C1orf52: variants seen among roughly 807,000 people sequenced by gnomAD.
The protein encoded by C1orf52 is chromosome 1 open reading frame 52.
A neutral mutation model predicts 17.2 loss-of-function variants in C1orf52; 5 were observed. That is an observed-to-expected ratio of 0.29 (90% CI 0.15 to 0.61). The LOEUF (loss-of-function observed/expected upper bound fraction) is 0.61, where lower values mean the gene tolerates loss of function less well. Ranked by LOEUF, C1orf52 falls within the 20% of genes least tolerant of loss-of-function variation. The pLI is 0.85. For synonymous variants in C1orf52, 110 were observed against 88.0 expected, an observed-to-expected ratio of 1.25 and a Z score of -1.40; for missense variants, 245 against 234.1, an observed-to-expected ratio of 1.05 and a Z score of -0.30.
intron 1 of C1orf52, 148 bp downstream of exon 1, chr1:85,259,210 C>T (rs1050693117): frequency 8.3e-7 from 1 of 1,200,418 alleles, no homozygotes; most frequent in Non-Finnish European, 1.1e-6. Flanking sequence ...GGCCAGGTTT[C>T]CCAGGGCTTG....
At chr1:85,255,705 CTAATCTAAAATCTGGG>C (rs995744200) in intron 2 of C1orf52, among the ~76,000 whole-genome samples, 1 of 152,036 alleles carries the variant, frequency 6.6e-6, no homozygotes, top group African/African-American at 2.4e-5. Context: ...AAGTCACTTG[CTAATCTAAAATCTGGG>C]TAAGAGTGTA....
Position 85,252,325 on chromosome 1 carries a change from T to C in C1orf52, c.*304A>G, listed in dbSNP as rs1659820112. 3.0e-6 allele frequency: 1 copy of C among 336,994 alleles called. No individual in the cohort carries two copies. The highest frequency in any genetic ancestry group is 2.2e-5 in the African/African-American group (1 of 46,108). The allele number at this position is 336,994 out of a possible 1,614,324, so 20.9% of individuals were successfully genotyped here. A position where few individuals can be genotyped will look rare whatever the true frequency, so the allele number is the denominator to read the frequency against. On this transcript the variant is annotated 3_prime_UTR_variant, in exon 3 of 3. Coordinates refer to ENST00000471115, the MANE Select transcript of C1orf52 (RefSeq NM_198077.4). ...AATATATTCCTTTATAAAAGGTTTA[T>C]AAGAACATTGGCATGTCAACATGTG...
rs539827917 is a variant in C1orf52 at position 85,252,940 on chromosome 1, GGTGC to G, written c.476-242_476-239del. Among the ~76,000 whole-genome samples, 7 of 152,054 alleles carry G rather than the reference GGTGC, an allele frequency of 4.6e-5. No homozygotes were observed. In the South Asian group the frequency reaches 1.5e-3, roughly 32 times the overall value. ...ACAAAATTCACAAAGTAACTCTTTAGGTGCTATACTAAGGTAGCTTAAAATAAGT... is the reference window on the plus strand; with the variant it reads ...ACAAAATTCACAAAGTAACTCTTTAGTATACTAAGGTAGCTTAAAATAAGT... On this transcript the variant is annotated intron_variant, in intron 2 of 2. Transcript: ENST00000471115.
chr1:85,255,744 T>C (rs1383777712), intron 2 of C1orf52, among the ~76,000 whole-genome samples: 2 of 152,032 alleles, frequency 1.3e-5, no homozygotes, highest in South Asian at 2.1e-4. Flanking sequence ...GTTTCTGATA[T>C]ATATTTTATG....
In C1orf52 at chr1:85,259,042, G is replaced by A. The variant is rs1660021041; in HGVS notation, c.276+316C>T. 3 of 1,312,054 alleles carry A rather than the reference G, an allele frequency of 2.3e-6. No homozygotes were observed. The African/African-American group carries it at 4.4e-5, about 19-fold the overall frequency. The allele number at this position is 1,312,054 out of a possible 1,614,324, so 81.3% of individuals were successfully genotyped here. A position where few individuals can be genotyped will look rare whatever the true frequency, so the allele number is the denominator to read the frequency against. On this transcript the variant is annotated intron_variant, in intron 1 of 2. Transcript: ENST00000471115. ...ACCGCAGGCACTTCGGCGTCAAAGG[G>A]AAGGGGTCTCAGGGAGAAGCTGCAG...
chr1:85,259,583 G>A lies in C1orf52; in HGVS notation c.51C>T (p.Ser17=). Residue 17 remains serine, a synonymous_variant, in exon 1 of 3, where the codon AGC becomes AGT. Coordinates refer to ENST00000471115, the MANE Select transcript of C1orf52 (RefSeq NM_198077.4). ...CCTCGTCCGAGGAGCCTGAGCTGCT[G>A]CTCCCGTATGCCGCAAAATAGCTCA... ...DPLSYFAAYG[S]SSSGSSDEED... 1.3e-6 allele frequency: 2 copies of A among 1,598,614 alleles called. No homozygotes were observed.
At chr1:85,255,719 G>A (rs1477862535) in intron 2 of C1orf52, among the ~76,000 whole-genome samples, 1 of 152,120 alleles carries the variant, frequency 6.6e-6, no homozygotes, top group Non-Finnish European at 1.5e-5. Flanking sequence ...TCTAAAATCT[G>A]GGTAAGAGTG....
At chr1:85,254,161 A>C (rs1181593267) in intron 2 of C1orf52, among the ~76,000 whole-genome samples, 1 of 144,800 alleles carries the variant, frequency 6.9e-6, no homozygotes. Context: ...TGCAGATAAC[A>C]ATCAATACCA....
At chr1:85,254,057 T>A (rs1218354630) in intron 2 of C1orf52, among the ~76,000 whole-genome samples, 2 of 152,200 alleles carry the variant, frequency 1.3e-5, no homozygotes, top group East Asian at 1.9e-4. Context: ...ACTACTGACA[T>A]CAAATCATAA....
chr1:85,259,071 G>C (rs1034576421), intron 1 of C1orf52: 5 of 1,347,614 alleles, frequency 3.7e-6, no homozygotes, highest in South Asian at 1.7e-5. Flanking sequence ...GCTGCAGCGG[G>C]GGGGGCGGGG....
intron 2 of C1orf52, 140 bp from the exon 3 acceptor site, chr1:85,252,842 A>G (rs1213870310): frequency 1.4e-5 from 9 of 636,470 alleles, no homozygotes; most frequent in Non-Finnish European, 1.6e-5. Context: ...ATAAAAAACA[A>G]GAATTAACTT....
rs1186859815 is a variant in C1orf52, at chr1:85,251,521, TTTA to T, written c.*1105_*1107del. ...ACCTTCCCAACTACTTCTTGTTCATTTTATTATTACTATACGCAAAGCATTAAA... is the reference window on the plus strand; with the variant it reads ...ACCTTCCCAACTACTTCTTGTTCATTTTATTACTATACGCAAAGCATTAAA... On this transcript the variant is annotated 3_prime_UTR_variant, in exon 3 of 3. Coordinates refer to ENST00000471115, the MANE Select transcript of C1orf52 (RefSeq NM_198077.4). 1 of 152,242 alleles carries T rather than the reference TTTA, an allele frequency of 6.6e-6. No homozygotes were observed. The highest frequency in any genetic ancestry group is 1.9e-4 in the East Asian group (1 of 5,202). The allele number at this position is 152,242 out of a possible 1,614,324, so 9.4% of individuals were successfully genotyped here.
At chr1:85,253,414 C>T (rs2100731319) in intron 2 of C1orf52, among the ~76,000 whole-genome samples, 1 of 152,224 alleles carries the variant, frequency 6.6e-6, no homozygotes, top group African/African-American at 2.4e-5. Context: ...CTCCACCCAC[C>T]CCAAATCCTT....
Position 85,258,663 on chromosome 1 carries a change from G to C in C1orf52, c.336C>G (p.Thr112=). ...CTGGAGGCGGAGGCTTCTTCTCAGT[G>C]GTGTAGGTCTCAGGAGGTGGTACAT... The part of the protein sequence containing the change: ...SNYVPPPETY[T]TEKKPPPPEL... Residue 112 remains threonine, a synonymous_variant, in exon 2 of 3, where the codon ACC becomes ACG. Coordinates refer to ENST00000471115, the MANE Select transcript of C1orf52 (RefSeq NM_198077.4). 6.2e-7 allele frequency: 1 copy of C among 1,613,690 alleles called. No homozygotes were observed. Among genetic ancestry groups the C allele is most frequent in the Non-Finnish European group, 8.5e-7 (1 of 1,179,952 alleles).
chr1:85,259,225 G>C, intron 1 of C1orf52, 133 bp downstream of exon 1: 8 of 1,238,700 alleles, frequency 6.5e-6, no homozygotes, highest in Non-Finnish European at 8.9e-6. Flanking sequence ...GGCTTGAGGT[G>C]GGAGGGGGTG....
At chr1:85,258,446 A>T (rs1660000049) in intron 2 of C1orf52, 78 bp downstream of exon 2, 1 of 1,230,276 alleles carries the variant, frequency 8.1e-7, no homozygotes, top group Non-Finnish European at 1.2e-6. Flanking sequence ...TTTAATTTTC[A>T]TTCATTAAAT....
intron 2 of C1orf52, among the ~76,000 whole-genome samples, chr1:85,255,409 G>A (rs1392846075): frequency 6.6e-6 from 1 of 152,112 alleles, no homozygotes; most frequent in African/African-American, 2.4e-5. Context: ...AATTAGCTGG[G>A]CGTGGTGGCG....
At chr1:85,258,819 G>A in intron 1 of C1orf52, 97 bp from the exon 2 acceptor site, 2 of 1,412,948 alleles carry the variant, frequency 1.4e-6, no homozygotes, top group Admixed American at 2.8e-5. Context: ...TATCGTTCAG[G>A]CTGACTTTTT....
chr1:85,255,699 C>G (rs1659920351), intron 2 of C1orf52, among the ~76,000 whole-genome samples: 1 of 152,056 alleles, frequency 6.6e-6, no homozygotes, highest in Admixed American at 6.6e-5. Flanking sequence ...ATAAAAAAGT[C>G]ACTTGCTAAT....
Sources: allele counts gnomAD v4.1 joint callset (sites outside exome capture counted in the v4.1 genomes callset), GRCh38; gene constraint gnomAD v4.1.1; transcripts MANE v1.5; gene names NCBI Gene and HGNC (gene_info 2026-07-23, HGNC 2026-07-21).